CHAF1A: variants seen among roughly 807,000 people sequenced by gnomAD.
CHAF1A encodes chromatin assembly factor 1 subunit A.
Under a neutral mutation model 93.2 loss-of-function variants are expected in CHAF1A, and 5 were observed. The ratio of observed to expected loss-of-function variants is 0.05; its 90% CI spans 0.03 to 0.11. The LOEUF is 0.11. Ranked by LOEUF, CHAF1A falls within the 10% of genes least tolerant of loss-of-function variation. The probability of loss-of-function intolerance (pLI) is 1.00; values close to 1 mark genes in which losing one functional copy is unlikely to be tolerated. For synonymous variants in CHAF1A, 504 were observed against 510.3 expected (o/e 0.99, Z 0.17); for missense variants, 1,102 against 1,259.9 (o/e 0.87, Z 1.90).
chr19:4,427,834 C>T lies in CHAF1A; in HGVS notation c.1378-830C>T, dbSNP rs141236435. ...AACTCCTGAGCTCAGACAATCCACC[C>T]GCCTCGGCCTCCCAAAGCGCTACAA... On this transcript the variant is annotated intron_variant, in intron 7 of 14. Transcript: ENST00000301280. Among the ~76,000 whole-genome samples the T allele has an allele frequency of 6.1e-3, 927 of 152,198 alleles. 15 individuals carry two copies. Among genetic ancestry groups the T allele is most frequent in the African/African-American group, 0.021 (873 of 41,518 alleles).
At position 4,423,389 on chromosome 19, in the gene CHAF1A, A is replaced by C; in HGVS notation, c.1302A>C (p.Glu434Asp). 6.2e-7 allele frequency: 1 copy of C among 1,614,148 alleles called. No homozygotes were observed. The highest frequency in any genetic ancestry group is 8.5e-7 in the Non-Finnish European group (1 of 1,179,986). The part of the protein sequence containing the change: ...KKEEEKRLRE[E>D]EKRIKAEKAE... ...AAGAAGAGAAACGGTTAAGAGAAGA[A>C]GAGAAGGTAGAGTGTTTCCCACAGA... The change falls in exon 6 of 15, where the codon GAA becomes GAC. Residue 434 changes from glutamate to aspartate, a missense_variant. By Grantham distance (45) the Glu-to-Asp change is conservative. Coordinates refer to ENST00000301280, the MANE Select transcript of CHAF1A (RefSeq NM_005483.3).
At position 4,430,676 on chromosome 19, in the gene CHAF1A, A is replaced by C. The variant is rs534415549; in HGVS notation, c.1947+35A>C. On this transcript the variant is annotated intron_variant, in intron 11 of 14. Coordinates refer to ENST00000301280, the MANE Select transcript of CHAF1A (RefSeq NM_005483.3). ...TGAAGGGGGAGGTCACCGGCTCAGC[A>C]AAAGTTCATTTCTGGACTGGTGCTC... 6.8e-6 allele frequency: 11 copies of C among 1,612,236 alleles called. No homozygotes were observed. In the South Asian group the frequency reaches 1.2e-4, roughly 18 times the overall value.
chr19:4,445,664 G>T (rs1974494764), downstream of CHAF1A: 3 of 1,590,774 alleles, frequency 1.9e-6, no homozygotes, highest in South Asian at 2.2e-5. Context: ...CCGAGAGTCG[G>T]CCCTTGCCGC....
intron 9 of CHAF1A, 28 bp downstream of exon 9, chr19:4,429,634 C>G (rs374672573): frequency 3.1e-6 from 5 of 1,613,900 alleles, no homozygotes; most frequent in Non-Finnish European, 4.2e-6. Flanking sequence ...TGCCTCCGTC[C>G]CCGTACCTCC....
chr19:4,422,160 C>T lies in CHAF1A; in HGVS notation c.1018-406C>T, dbSNP rs1974001368. 6.6e-6 allele frequency among the ~76,000 whole-genome samples: 1 copy of T among 152,196 alleles called. No homozygotes were observed. Among genetic ancestry groups the T allele is most frequent in the Admixed American group, 6.5e-5 (1 of 15,284 alleles). The stretch of plus-strand genomic sequence containing the variant: ...CAGTAGCTGGGATTACAGGCGCCCA[C>T]CATGCCTGGCTAGTTTTTTTTAAAA... On this transcript the variant is annotated intron_variant, in intron 4 of 14. Coordinates refer to ENST00000301280, the MANE Select transcript of CHAF1A (RefSeq NM_005483.3). This position sits in a 1 kb window ranked among gnomAD's most constrained non-coding sequence, Gnocchi z 4.6.
At chr19:4,449,414 G>A (rs560215795), downstream of CHAF1A, 16 of 152,468 alleles carry the variant, frequency 1.0e-4, no homozygotes, top group African/African-American at 3.1e-4. Flanking sequence ...CCTACACACT[G>A]AGCCGGGGCT....
chr19:4,446,477 T>G, downstream of CHAF1A: 1 of 1,596,608 alleles, frequency 6.3e-7, no homozygotes, highest in East Asian at 2.2e-5. Context: ...CGCCCCACTC[T>G]GCTCCGCGGA....
Position 4,428,872 on chromosome 19 carries a change from A to G in CHAF1A, c.1586A>G (p.Asn529Ser), listed in dbSNP as rs1172944682. Residue 529 changes from asparagine (N) to serine (S), a missense_variant, in exon 8 of 15, where the codon AAT (asparagine) becomes AGT (serine). Asn to Ser is a conservative substitution (Grantham distance 46). Around this residue, in one of 6 missense-constraint regions of CHAF1A, gnomAD observed 335 missense variants for 361.9 expected, o/e 0.93. Transcript: ENST00000301280. Reference protein sequence around the residue: ...RSGPTHVSTRNADIFNSDVVI... With the variant: ...RSGPTHVSTRSADIFNSDVVI... ...GGACCCACGCACGTTTCCACCCGGA[A>G]TGCAGATATTTTTAACAGGTCAGAG... 2 of 1,613,704 alleles carry G rather than the reference A, an allele frequency of 1.2e-6. No individual in the cohort carries two copies. The highest frequency in any genetic ancestry group is 1.7e-6 in the Non-Finnish European group (2 of 1,179,950).
intron 7 of CHAF1A, among the ~76,000 whole-genome samples, chr19:4,427,821 C>T (rs1051321367): frequency 9.2e-5 from 14 of 152,194 alleles, no homozygotes; most frequent in Non-Finnish European, 1.6e-4. Context: ...CTCCTGAGCT[C>T]AGACAATCCA....
intron 1 of CHAF1A, among the ~76,000 whole-genome samples, chr19:4,404,616 T>C (rs1024122977): frequency 6.6e-6 from 1 of 152,264 alleles, no homozygotes; most frequent in East Asian, 1.9e-4. Flanking sequence ...GGTGGTTTCA[T>C]GTATGGACGA....
chr19:4,406,487 T>A (rs1973683275), intron 2 of CHAF1A, among the ~76,000 whole-genome samples: 1 of 146,952 alleles, frequency 6.8e-6, no homozygotes. Flanking sequence ...CAGGCTGGAG[T>A]GCAGTGGTGC....
At chr19:4,450,400 A>G in the CHAF1A span, 6 of 152,184 alleles carry the variant, frequency 3.9e-5, no homozygotes, top group African/African-American at 7.2e-5. Context: ...CAGAGCCAAC[A>G]TAGAAGCAAC....
At chr19:4,430,260 C>T (rs1040531721) in intron 10 of CHAF1A, 16 of 378,698 alleles carry the variant, frequency 4.2e-5, no homozygotes, top group African/African-American at 3.1e-4. Context: ...TCACTGCAAC[C>T]TCTGCCTCCC....
chr19:4,448,143 G>A, downstream of CHAF1A: 1 of 619,268 alleles, frequency 1.6e-6, no homozygotes, highest in South Asian at 1.9e-5. Context: ...GAGGCCCAAG[G>A]AGGCCCAGCC....
chr19:4,445,458 G>A, downstream of CHAF1A: 3 of 1,612,640 alleles, frequency 1.9e-6, no homozygotes, highest in Non-Finnish European at 1.7e-6. Context: ...GGGAGAGCAT[G>A]AGACAGACCC....
chr19:4,403,064 G>A (rs938199689), intron 1 of CHAF1A, among the ~76,000 whole-genome samples: 10 of 152,326 alleles, frequency 6.6e-5, no homozygotes, highest in African/African-American at 2.4e-4. Context: ...GTCCCTCCAG[G>A]ACTCTCTGGG....
At chr19:4,424,379 CTG>C (rs1974043580) in intron 7 of CHAF1A, among the ~76,000 whole-genome samples, 1 of 152,232 alleles carries the variant, frequency 6.6e-6, no homozygotes, top group Admixed American at 6.5e-5. Context: ...GCTCCACTCA[CTG>C]TATTTATACA....
chr19:4,442,937 C>T lies in CHAF1A; in HGVS notation c.2783C>T (p.Pro928Leu), dbSNP rs760936940. The stretch of plus-strand genomic sequence containing the variant: ...TCTTGCCCTGCAGAGGTCCAAGCCC[C>T]GTGTGGAGCCGCTTCCGGAGCTGGG... ...DVPDAAEVQA[P>L]CGAASGAGGG... Residue 928 changes from proline to leucine, a missense_variant, in exon 15 of 15, where the codon CCG becomes CTG. Coordinates refer to ENST00000301280, the MANE Select transcript of CHAF1A (RefSeq NM_005483.3). The T allele has an allele frequency of 2.3e-5, 36 of 1,596,558 alleles. No individual in the cohort carries two copies. The highest frequency in any genetic ancestry group is 1.8e-4 in the Middle Eastern group (1 of 5,420).
Position 4,422,933 on chromosome 19 carries a change from G to T in CHAF1A, c.1247+138G>T. 2 of 819,022 alleles carry T rather than the reference G, an allele frequency of 2.4e-6. No homozygotes were observed. Among genetic ancestry groups the T allele is most frequent in the Non-Finnish European group, 3.8e-6 (2 of 520,278 alleles). The allele number at this position is 819,022 out of a possible 1,614,324, so 50.7% of individuals were successfully genotyped here. ...CCTTCCCATTTCTCCTTCGTGAGGT[G>T]CCCGTGGGGCCCTGACGTGGGAGCG... On this transcript the variant is annotated intron_variant, in intron 5 of 14. Coordinates refer to ENST00000301280, the MANE Select transcript of CHAF1A (RefSeq NM_005483.3). The surrounding 1 kb of genome is among the most constrained non-coding windows in gnomAD (Gnocchi z 4.6).
Sources: allele counts gnomAD v4.1 joint callset (sites outside exome capture counted in the v4.1 genomes callset), GRCh38; gene constraint gnomAD v4.1.1; regional missense constraint gnomAD v4.1.1; non-coding constraint Gnocchi (gnomAD v3.1); transcripts MANE v1.5; gene names NCBI Gene and HGNC (gene_info 2026-07-23, HGNC 2026-07-21).